The following TTC6 variants were observed in gnomAD, a reference collection of about 807,000 sequenced individuals.
TTC6 encodes the protein tetratricopeptide repeat domain 6, also known as tetratricopeptide repeat protein 6.
Under a neutral mutation model 210.4 loss-of-function variants are expected in TTC6, and 172 were observed. The ratio of observed to expected loss-of-function variants is 0.82; its 90% CI spans 0.72 to 0.93. The LOEUF is 0.93. Ranked by LOEUF, TTC6 falls within the 40% of genes least tolerant of loss-of-function variation. TTC6 has a pLI of 0.00. For missense variants in TTC6, 2,414 were observed against 2,318.1 expected (o/e 1.04, Z -0.85); for synonymous variants, 804 against 819.6 (o/e 0.98, Z 0.32).
At chr14:37,667,404 G>T (rs762465911) in intron 1 of TTC6, among the ~76,000 whole-genome samples, 4 of 150,482 alleles carry the variant, frequency 2.7e-5, no homozygotes, top group Non-Finnish European at 6.0e-5. Context: ...AGATGGAATC[G>T]CACCCTTTCC....
At chr14:37,749,137 C>T (rs1298703379) in exon 11 of TTC6, 1 of 1,535,534 alleles carries the variant, frequency 6.5e-7, no homozygotes, top group Non-Finnish European at 8.7e-7. Context: ...AAGATGCGAG[C>T]ATACCTGTAA....
intron 23 of TTC6, among the ~76,000 whole-genome samples, chr14:37,807,725 A>G (rs1200333882): frequency 6.6e-6 from 1 of 152,130 alleles, no homozygotes; most frequent in Non-Finnish European, 1.5e-5. Context: ...GACAGTTTGG[A>G]AAAATATGGA....
chr14:37,700,750 CAAAAAAA>C (rs35091344), intron 4 of TTC6, among the ~76,000 whole-genome samples: 58 of 62,280 alleles, frequency 9.3e-4, no homozygotes, highest in South Asian at 3.4e-3. Context: ...CTCCATCTCA[CAAAAAAA>C]AAAAAAAAAA....
At chr14:37,741,150 T>TA (rs1281327144) in intron 10 of TTC6, among the ~76,000 whole-genome samples, 4 of 152,080 alleles carry the variant, frequency 2.6e-5, no homozygotes, top group Admixed American at 6.6e-5. Flanking sequence ...CCTACCTTTT[T>TA]AAAAAAATCT....
Position 37,806,093 on chromosome 14 carries a change from T to G in TTC6, c.4165-268T>G, listed in dbSNP as rs11845839. 5.4e-3 allele frequency among the ~76,000 whole-genome samples: 822 copies of G among 152,310 alleles called. 14 individuals are homozygous for G. Among genetic ancestry groups the G allele is most frequent in the African/African-American group, 0.019 (785 of 41,576 alleles). On this transcript the variant is annotated intron_variant, in intron 21 of 30. Coordinates refer to ENST00000553443, the Ensembl canonical transcript of TTC6. ...CTTTGAAGCAATGAAATCTGAAGAA[T>G]AATTAAAATTATACCACCTGAAATA...
In TTC6 at chr14:37,741,737, G is replaced by C. The variant is rs183752064; in HGVS notation, c.2363+2582G>C. 2.6e-5 allele frequency among the ~76,000 whole-genome samples: 4 copies of C among 152,234 alleles called. No individual in the cohort carries two copies. In the East Asian group the frequency reaches 7.7e-4, roughly 29 times the overall value. ...TGCGTATGTTCTTATACATCAAGTT[G>C]AATTATGGCTGTGGAAAGTCACTCC... is the stretch of plus-strand genomic sequence containing the variant. On this transcript the variant is annotated intron_variant, in intron 10 of 30. Coordinates refer to ENST00000553443, the Ensembl canonical transcript of TTC6.
At chr14:37,613,928 A>C (rs771676851) in intron 2 of TTC6, among the ~76,000 whole-genome samples, 28 of 151,838 alleles carry the variant, frequency 1.8e-4, no homozygotes, top group Admixed American at 3.3e-4. Flanking sequence ...TAATTTTCTC[A>C]ATTCTTTTTC....
chr14:37,631,783 C>T (rs1156937432), intron 1 of TTC6, among the ~76,000 whole-genome samples: 6 of 152,072 alleles, frequency 3.9e-5, no homozygotes, highest in Admixed American at 1.3e-4. Context: ...TCACATAGTC[C>T]CGTATTTCTT....
intron 14 of TTC6, 36 bp downstream of exon 16, chr14:37,753,271 A>G (rs1428445301): frequency 2.7e-6 from 4 of 1,466,046 alleles, no homozygotes; most frequent in Non-Finnish European, 3.6e-6. Context: ...TAAAATTATT[A>G]CTATTATTTG....
chr14:37,647,683 T>A (rs935450808), intron 1 of TTC6, among the ~76,000 whole-genome samples: 9 of 152,076 alleles, frequency 5.9e-5, no homozygotes, highest in African/African-American at 2.2e-4. Context: ...GGTGGCAGGT[T>A]AGGGTTAGAG....
intron 1 of TTC6, among the ~76,000 whole-genome samples, chr14:37,638,832 T>G (rs11844196): frequency 0.079 from 12,090 of 152,182 alleles, 631 homozygotes; most frequent in African/African-American, 0.15. Flanking sequence ...AAACTTTAAT[T>G]AAAGATGTTA....
intron 29 of TTC6, among the ~76,000 whole-genome samples, chr14:37,830,908 T>A (rs1358481767): frequency 6.6e-6 from 1 of 152,136 alleles, no homozygotes; most frequent in Non-Finnish European, 1.5e-5. Context: ...ATGCATCACC[T>A]CAAACATTTA....
At position 37,598,409 on chromosome 14, in the gene TTC6, G is replaced by C. The variant is rs865916109; in HGVS notation, c.-235+2401G>C. 6.6e-6 allele frequency among the ~76,000 whole-genome samples: 1 copy of C among 152,192 alleles called. No homozygotes were observed. Among genetic ancestry groups the C allele is most frequent in the Non-Finnish European group, 1.5e-5 (1 of 68,028 alleles). On this transcript the variant is annotated intron_variant, in intron 1 of 2. Transcript: ENST00000556845. The surrounding 1 kb of genome is among the most constrained non-coding windows in gnomAD (Gnocchi z 4.9). ...CGGCAGTGAGGACTGTAGGGTGCGC[G>C]GGTACTCCGGGTAGCCGCCAGCGGA...
chr14:37,731,509 C>T (rs1043956389), intron 7 of TTC6, among the ~76,000 whole-genome samples: 1 of 152,196 alleles, frequency 6.6e-6, no homozygotes, highest in African/African-American at 2.4e-5. Context: ...TGCTCAACCT[C>T]AGCTGGGTGT....
intron 1 of TTC6, among the ~76,000 whole-genome samples, chr14:37,652,971 A>C (rs1017528474): frequency 2.0e-5 from 3 of 152,232 alleles, no homozygotes; most frequent in Non-Finnish European, 2.9e-5. Flanking sequence ...TTTTCACGAA[A>C]TAACTTAATT....
chr14:37,612,113 G>T (rs781153281), intron 2 of TTC6, among the ~76,000 whole-genome samples: 1 of 152,076 alleles, frequency 6.6e-6, no homozygotes, highest in Non-Finnish European at 1.5e-5. Context: ...CAATGTACAA[G>T]GTACAGGCAT....
chr14:37,842,467 A>T (rs1358661624), downstream of TTC6: 1 of 507,014 alleles, frequency 2.0e-6, no homozygotes, highest in African/African-American at 2.0e-5. Context: ...TATAAAACAT[A>T]TATCATTTGC....
At chr14:37,665,197 G>T (rs1399159775) in intron 1 of TTC6, among the ~76,000 whole-genome samples, 1 of 150,316 alleles carries the variant, frequency 6.7e-6, no homozygotes, top group Non-Finnish European at 1.5e-5. Context: ...ATACATGCAT[G>T]CAAATGTTCA....
At chr14:37,682,602 C>G (rs17106925) in intron 2 of TTC6, among the ~76,000 whole-genome samples, 156 bp from the exon 5 acceptor site, 11,262 of 152,150 alleles carry the variant, frequency 0.074, 510 homozygotes, top group African/African-American at 0.13. Flanking sequence ...ATTTGAGCTT[C>G]TCTTTCTAAA....
Sources: gnomAD v4.1 joint callset for allele counts (sites outside exome capture counted in the v4.1 genomes callset) on GRCh38, gnomAD v4.1.1 for gene constraint, Gnocchi (gnomAD v3.1) non-coding constraint, MANE v1.5 for transcripts, NCBI Gene and HGNC (gene_info 2026-07-23, HGNC 2026-07-21) for gene names.